SEMA4D: variants seen among roughly 807,000 people sequenced by gnomAD.
SEMA4D encodes the protein semaphorin-4D.
A neutral mutation model predicts 74.8 loss-of-function variants in SEMA4D; 22 were observed. The observed-to-expected ratio is 0.29, with a 90% CI of 0.21 to 0.42. SEMA4D has a LOEUF of 0.42. Ranked by LOEUF, SEMA4D falls within the 10% of genes least tolerant of loss-of-function variation. The probability of loss-of-function intolerance (pLI) is 1.00; values close to 1 mark genes in which losing one functional copy is unlikely to be tolerated. For missense variants in SEMA4D, 937 were observed against 1,118.4 expected, an observed-to-expected ratio of 0.84 and a Z score of 2.31; for synonymous variants, 445 against 463.7, an observed-to-expected ratio of 0.96 and a Z score of 0.52.
intron 6 of SEMA4D, among the ~76,000 whole-genome samples, chr9:89,395,066 T>A (rs1364984874): frequency 6.6e-6 from 1 of 152,070 alleles, no homozygotes; most frequent in Non-Finnish European, 1.5e-5. Context: ...AATTGTGCAA[T>A]CTAGGTTGCC....
chr9:89,458,365 C>T (rs895045481), intron 1 of SEMA4D, among the ~76,000 whole-genome samples: 3 of 152,172 alleles, frequency 2.0e-5, no homozygotes, highest in Admixed American at 1.3e-4. Flanking sequence ...GCCCACATAG[C>T]ACCGCCCCTT....
At position 89,378,832 on chromosome 9, in the gene SEMA4D, T is replaced by C; in HGVS notation, c.2461A>G (p.Thr821Ala). 1 of 1,614,176 alleles carries C rather than the reference T, an allele frequency of 6.2e-7. No homozygotes were observed. Among genetic ancestry groups the C allele is most frequent in the Non-Finnish European group, 8.5e-7 (1 of 1,180,024 alleles). ...TCCGTGGGGACTTTGCTGGTGATGGTGTCTTGCTCGGTCTCATAGCCGGTG... is the reference window on the plus strand; with the variant it reads ...TCCGTGGGGACTTTGCTGGTGATGGCGTCTTGCTCGGTCTCATAGCCGGTG... ...LDTGYETEQD[T>A]ITSKVPTDRE... The change falls in exon 16 of 16, where the codon ACC becomes GCC. Residue 821 changes from threonine to alanine, a missense_variant. Coordinates refer to ENST00000422704, the MANE Select transcript of SEMA4D (RefSeq NM_001371194.2).
intron 2 of SEMA4D, among the ~76,000 whole-genome samples, chr9:89,428,744 C>T (rs1013369779): frequency 5.3e-5 from 8 of 152,252 alleles, no homozygotes; most frequent in African/African-American, 1.9e-4. Flanking sequence ...GCCAACCCAC[C>T]TCCAGGGGCA....
At chr9:89,379,953 C>T (rs1321424647) in intron 15 of SEMA4D, among the ~76,000 whole-genome samples, 1 of 152,246 alleles carries the variant, frequency 6.6e-6, no homozygotes, top group Non-Finnish European at 1.5e-5. Flanking sequence ...TTGAATCAGA[C>T]ACGAGACGCT....
intron 1 of SEMA4D, among the ~76,000 whole-genome samples, chr9:89,495,172 A>C (rs1825910842): frequency 6.6e-6 from 1 of 152,148 alleles, no homozygotes; most frequent in Admixed American, 6.5e-5. Context: ...TGCTGTGGGA[A>C]GGCGGCTGCT....
At chr9:89,362,177 A>T in exon 19 of SEMA4D, 1 of 641,674 alleles carries the variant, frequency 1.6e-6, no homozygotes, top group Non-Finnish European at 2.7e-6. Context: ...GTAAGCACCT[A>T]ATTTTTTAAG....
chr9:89,408,457 C>T (rs904197045), intron 2 of SEMA4D, among the ~76,000 whole-genome samples: 1 of 152,210 alleles, frequency 6.6e-6, no homozygotes, highest in Non-Finnish European at 1.5e-5. Flanking sequence ...AAGAGAAAAG[C>T]TCCCATTAAA....
chr9:89,366,359 A>C (rs977395836), intron 16 of SEMA4D, among the ~76,000 whole-genome samples: 26 of 152,310 alleles, frequency 1.7e-4, no homozygotes, highest in African/African-American at 6.0e-4. Context: ...TTGCTTTTAT[A>C]ATAATAATTT....
rs533660206 is a variant in SEMA4D, at chr9:89,410,860, C to T, written c.-243-5161G>A. Among the ~76,000 whole-genome samples the T allele has an allele frequency of 8.5e-5, 13 of 152,334 alleles. No homozygotes were observed. In the East Asian group the frequency reaches 1.5e-3, roughly 18 times the overall value. On this transcript the variant is annotated intron_variant, in intron 2 of 15. Coordinates refer to ENST00000422704, the MANE Select transcript of SEMA4D (RefSeq NM_001371194.2). ...TGCCCCACTGGAGGCAGCAAAGCAACGCCTTTGAATCCCAGGGAAGATGAC... is the reference window on the plus strand; with the variant it reads ...TGCCCCACTGGAGGCAGCAAAGCAATGCCTTTGAATCCCAGGGAAGATGAC...
intron 2 of SEMA4D, among the ~76,000 whole-genome samples, chr9:89,447,174 T>C (rs1026058845): frequency 1.3e-5 from 2 of 151,980 alleles, no homozygotes. Context: ...CAGGCCAGCA[T>C]GGAACAGGAG....
intron 2 of SEMA4D, among the ~76,000 whole-genome samples, chr9:89,455,298 T>C (rs1014793738): frequency 2.0e-5 from 3 of 152,204 alleles, no homozygotes; most frequent in African/African-American, 7.2e-5. Context: ...GGAGCAAAGG[T>C]GTGGCAGCCC....
chr9:89,455,093 C>T (rs1855610589), intron 2 of SEMA4D, among the ~76,000 whole-genome samples: 1 of 152,270 alleles, frequency 6.6e-6, no homozygotes, highest in Non-Finnish European at 1.5e-5. Flanking sequence ...TAGCCTACAA[C>T]AATATCACTT....
At chr9:89,368,880 G>T (rs758907322) in intron 16 of SEMA4D, 5 of 152,280 alleles carry the variant, frequency 3.3e-5, no homozygotes, top group Non-Finnish European at 7.3e-5. Flanking sequence ...GGCATCTGTA[G>T]GCATCGCCTG....
intron 2 of SEMA4D, among the ~76,000 whole-genome samples, chr9:89,419,449 C>T (rs1167743088): frequency 6.6e-6 from 1 of 152,172 alleles, no homozygotes; most frequent in Non-Finnish European, 1.5e-5. Flanking sequence ...CTGTGGGCAC[C>T]TGCAAAGTGC....
At chr9:89,479,317 C>T (rs1195027005) in intron 1 of SEMA4D, among the ~76,000 whole-genome samples, 7 of 152,204 alleles carry the variant, frequency 4.6e-5, no homozygotes, top group South Asian at 2.1e-4. Flanking sequence ...GCAGCAATGG[C>T]GAGATTGGCC....
In SEMA4D at chr9:89,492,239, C is replaced by G. The variant is rs1461679302; in HGVS notation, c.-310+5680G>C. ...TCTTCGGTTCTCACCTTCGTGACCT[C>G]CGCTGTCACCCTCCCTCTCATGCAA... On this transcript the variant is annotated intron_variant, in intron 1 of 15. Transcript: ENST00000422704. This position sits in a 1 kb window ranked among gnomAD's most constrained non-coding sequence, Gnocchi z 4.3. Among the ~76,000 whole-genome samples the G allele has an allele frequency of 1.3e-5, 2 of 152,294 alleles. No homozygotes were observed. The highest frequency in any genetic ancestry group is 3.9e-4 in the East Asian group (2 of 5,174).
At chr9:89,372,576 C>T (rs778990903), downstream of SEMA4D, among the ~76,000 whole-genome samples, 26 of 151,946 alleles carry the variant, frequency 1.7e-4, no homozygotes, top group Admixed American at 7.2e-4. Flanking sequence ...CTCTCAAGGC[C>T]GCTGTCCCTC....
intron 8 of SEMA4D, among the ~76,000 whole-genome samples, chr9:89,392,166 TGA>T (rs1185841900): frequency 6.6e-6 from 1 of 152,260 alleles, no homozygotes; most frequent in East Asian, 1.9e-4. Context: ...CTCAATTTTA[TGA>T]GAGTCTCCCA....
At chr9:89,390,374 G>A (rs1320164345) in intron 9 of SEMA4D, among the ~76,000 whole-genome samples, 1 of 138,762 alleles carries the variant, frequency 7.2e-6, no homozygotes, top group Admixed American at 7.3e-5. Context: ...GCGGGGCTGC[G>A]GGGCAGCTGG....
Sources: allele counts gnomAD v4.1 joint callset (sites outside exome capture counted in the v4.1 genomes callset), GRCh38; gene constraint gnomAD v4.1.1; non-coding constraint Gnocchi (gnomAD v3.1); transcripts MANE v1.5; gene names NCBI Gene and HGNC (gene_info 2026-07-23, HGNC 2026-07-21).